The following CA10 variants were observed in gnomAD, a reference collection of about 807,000 sequenced individuals.
The protein encoded by CA10 is carbonic anhydrase-related protein 10.
Under a neutral mutation model 44.2 loss-of-function variants are expected in CA10, and 14 were observed. That is an observed-to-expected ratio of 0.32 (90% CI 0.21 to 0.50). CA10 has a LOEUF of 0.50. Among genes scored for constraint, CA10 ranks in the 20% least tolerant of loss-of-function variants. The pLI, the probability that CA10 is intolerant of heterozygous loss-of-function variation, is 0.99. For missense variants in CA10, 350 were observed against 409.7 expected, an observed-to-expected ratio of 0.85 and a Z score of 1.26; for synonymous variants, 159 against 141.6, an observed-to-expected ratio of 1.12 and a Z score of -0.87.
At chr17:51,824,927 G>A (rs913474729) in intron 3 of CA10, among the ~76,000 whole-genome samples, 3 of 152,240 alleles carry the variant, frequency 2.0e-5, no homozygotes, top group Admixed American at 6.5e-5. Flanking sequence ...CCTTGGCAGC[G>A]GTGCTGGCTA....
intron 2 of CA10, among the ~76,000 whole-genome samples, chr17:52,056,103 C>A (rs1322599507): frequency 1.3e-5 from 2 of 151,880 alleles, no homozygotes; most frequent in Admixed American, 1.3e-4. Flanking sequence ...TGGAAGTCTA[C>A]CTTTTAGGAG....
In CA10 at chr17:51,849,874, C is replaced by T. The variant is rs1484262103; in HGVS notation, c.279+81116G>A. Among the ~76,000 whole-genome samples, 7 of 151,544 alleles carry T rather than the reference C, an allele frequency of 4.6e-5. No homozygotes were observed. In the East Asian group the frequency reaches 1.4e-3, roughly 29 times the overall value. ...ACCACTCTCTTTCTTTGCATGAATA[C>T]CCCATAAGCAAGTTGAATATGGGAT... On this transcript the variant is annotated intron_variant, in intron 3 of 8. Transcript: ENST00000451037.
chr17:52,129,517 C>A (rs1335032043), intron 1 of CA10, among the ~76,000 whole-genome samples: 1 of 152,198 alleles, frequency 6.6e-6, no homozygotes, highest in Non-Finnish European at 1.5e-5. Context: ...CATGGATATA[C>A]TATGTGGTGA....
At chr17:51,801,077 T>C (rs972824442) in intron 3 of CA10, among the ~76,000 whole-genome samples, 2 of 152,062 alleles carry the variant, frequency 1.3e-5, no homozygotes, top group African/African-American at 4.8e-5. Flanking sequence ...GGACTGGAGG[T>C]CACTTCTGCC....
intron 1 of CA10, among the ~76,000 whole-genome samples, chr17:52,155,620 A>C (rs1989788367): frequency 6.6e-6 from 1 of 152,168 alleles, no homozygotes; most frequent in African/African-American, 2.4e-5. Flanking sequence ...TGGCCTTTTA[A>C]AGTTTATGGA....
At chr17:52,100,440 T>C (rs970137586) in intron 1 of CA10, among the ~76,000 whole-genome samples, 6 of 127,716 alleles carry the variant, frequency 4.7e-5, no homozygotes, top group African/African-American at 1.5e-4. Context: ...AACAGGACTC[T>C]CAAAAAAAAC....
intron 2 of CA10, among the ~76,000 whole-genome samples, chr17:52,045,244 G>A (rs1443103236): frequency 6.6e-6 from 1 of 150,534 alleles, no homozygotes; most frequent in Non-Finnish European, 1.5e-5. Flanking sequence ...GTTAAATAAA[G>A]CCCATTTCAG....
At chr17:52,142,594 T>C (rs898514707) in intron 1 of CA10, among the ~76,000 whole-genome samples, 9 of 152,224 alleles carry the variant, frequency 5.9e-5, no homozygotes, top group East Asian at 1.9e-4. Flanking sequence ...TTAATATATA[T>C]ATAAAATTAC....
At chr17:52,125,014 T>C (rs1319729828) in intron 1 of CA10, among the ~76,000 whole-genome samples, 2 of 152,202 alleles carry the variant, frequency 1.3e-5, no homozygotes, top group African/African-American at 4.8e-5. Flanking sequence ...GAAATACTTA[T>C]GGTTTTCACA....
intron 2 of CA10, among the ~76,000 whole-genome samples, chr17:52,000,992 G>A (rs1374183400): frequency 6.6e-6 from 1 of 151,842 alleles, no homozygotes. Context: ...TTATTCTGAG[G>A]ACTAACCAAG....
rs200657203 is a variant in CA10, at chr17:51,665,520, GT to G, written c.466-11785del. On this transcript the variant is annotated intron_variant, in intron 4 of 8. Coordinates refer to ENST00000451037, the MANE Select transcript of CA10 (RefSeq NM_020178.5). Reference sequence around the variant, plus strand: ...TTGAGTTTCCATCAAAGTCAATTAAGTTATAGTCACATGTTGCTTAAAAACC... The same window carrying G: ...TTGAGTTTCCATCAAAGTCAATTAAGTATAGTCACATGTTGCTTAAAAACC... Among the ~76,000 whole-genome samples, 1,199 of 152,268 alleles carry G rather than the reference GT, an allele frequency of 7.9e-3. 24 individuals carry two copies. The highest frequency in any genetic ancestry group is 0.027 in the African/African-American group (1,142 of 41,534).
intron 2 of CA10, among the ~76,000 whole-genome samples, chr17:52,012,218 T>A (rs1985821422): frequency 6.6e-6 from 1 of 152,100 alleles, no homozygotes; most frequent in South Asian, 2.1e-4. Context: ...TTTTGCTGAT[T>A]CTTTCAAAAT....
intron 1 of CA10, among the ~76,000 whole-genome samples, chr17:52,074,878 G>GA (rs914732853): frequency 6.6e-6 from 1 of 150,924 alleles, no homozygotes; most frequent in South Asian, 2.1e-4. Flanking sequence ...TTAAATGGTT[G>GA]AAAAAAAAGG....
intron 2 of CA10, among the ~76,000 whole-genome samples, chr17:52,065,293 G>T (rs1478579412): frequency 1.3e-5 from 2 of 152,174 alleles, no homozygotes; most frequent in Non-Finnish European, 2.9e-5. Flanking sequence ...TTTATAGCAT[G>T]TACTACAGAT....
chr17:51,756,969 C>G (rs1343452330), intron 3 of CA10, among the ~76,000 whole-genome samples: 1 of 152,174 alleles, frequency 6.6e-6, no homozygotes, highest in Non-Finnish European at 1.5e-5. Context: ...CTAGTGTTGG[C>G]TGAGCAACTG....
chr17:51,934,601 C>T (rs1039234474), intron 2 of CA10, among the ~76,000 whole-genome samples: 6 of 152,030 alleles, frequency 3.9e-5, no homozygotes, highest in African/African-American at 1.4e-4. Flanking sequence ...GCCATACAAC[C>T]ATGGAGTAAC....
chr17:51,961,462 G>GA (rs1044454145), intron 2 of CA10, among the ~76,000 whole-genome samples: 4 of 151,244 alleles, frequency 2.6e-5, no homozygotes, highest in South Asian at 2.1e-4. Flanking sequence ...AAAGGCAAAA[G>GA]AAAAAAAATA....
chr17:51,653,719 A>G lies in CA10; in HGVS notation c.483T>C (p.Tyr161=). The change falls in exon 5 of 9, where the codon TAT becomes TAC. Residue 161 remains tyrosine, a synonymous_variant. Coordinates refer to ENST00000451037, the MANE Select transcript of CA10 (RefSeq NM_020178.5). ...TGACATTCGTATATAGCTCATGGTT[A>G]TAGTGGATGAGCTGCACCTGGCAGG... ...AFSGEVQLIH[Y]NHELYTNVTE... is the part of the protein sequence containing the mutation. The G allele has an allele frequency of 6.2e-7, 1 of 1,605,556 alleles. No individual in the cohort carries two copies. The highest frequency in any genetic ancestry group is 8.5e-7 in the Non-Finnish European group (1 of 1,172,226).
intron 1 of CA10, among the ~76,000 whole-genome samples, chr17:52,127,545 A>T (rs1209029603): frequency 2.0e-5 from 3 of 152,096 alleles, no homozygotes. Context: ...AACAATGTAC[A>T]CTTCCACCAA....
Sources: gnomAD v4.1 joint callset for allele counts (sites outside exome capture counted in the v4.1 genomes callset) on GRCh38, gnomAD v4.1.1 for gene constraint, MANE v1.5 for transcripts, NCBI Gene and HGNC (gene_info 2026-07-23, HGNC 2026-07-21) for gene names.